FBXL17: variants seen among roughly 807,000 people sequenced by gnomAD.
FBXL17 encodes F-box/LRR-repeat protein 17.
A neutral mutation model predicts 66.2 loss-of-function variants in FBXL17; 22 were observed. That is an observed-to-expected ratio of 0.33 (90% confidence interval 0.24 to 0.47). The LOEUF is 0.47. FBXL17 is among the 20% of genes least tolerant of loss of function. The pLI is 1.00. For synonymous variants in FBXL17, 474 were observed against 400.5 expected, an observed-to-expected ratio of 1.18 and a Z score of -2.19; for missense variants, 878 against 948.2, an observed-to-expected ratio of 0.93 and a Z score of 0.97.
At chr5:108,209,409 C>A (rs1403802422) in intron 5 of FBXL17, among the ~76,000 whole-genome samples, 3 of 152,130 alleles carry the variant, frequency 2.0e-5, no homozygotes, top group African/African-American at 7.2e-5. Flanking sequence ...GGAATGCTTC[C>A]ACTTTTTGCC....
At chr5:107,990,153 T>C (rs913554159) in intron 7 of FBXL17, among the ~76,000 whole-genome samples, 24 of 152,306 alleles carry the variant, frequency 1.6e-4, no homozygotes, top group African/African-American at 5.8e-4. Flanking sequence ...AGGAAACTAG[T>C]AAGGTAAATT....
chr5:107,902,576 C>T (rs904803425), intron 7 of FBXL17, among the ~76,000 whole-genome samples: 3 of 152,038 alleles, frequency 2.0e-5, no homozygotes, highest in African/African-American at 4.8e-5. Flanking sequence ...CAGGTAAATT[C>T]GGATTATCCC....
At chr5:107,879,729 G>C in intron 8 of FBXL17, 3 of 985,438 alleles carry the variant, frequency 3.0e-6, no homozygotes, top group Middle Eastern at 5.2e-4. Flanking sequence ...TATTTTGCTA[G>C]ATTTGTTCCT....
chr5:108,073,037 T>C (rs1748401377), intron 6 of FBXL17, among the ~76,000 whole-genome samples: 1 of 152,226 alleles, frequency 6.6e-6, no homozygotes, highest in East Asian at 1.9e-4. Context: ...ATGAAAACTC[T>C]TTAGTCCTAT....
At chr5:108,099,166 T>C (rs776227446) in intron 6 of FBXL17, among the ~76,000 whole-genome samples, 3 of 152,050 alleles carry the variant, frequency 2.0e-5, no homozygotes, top group Non-Finnish European at 4.4e-5. Flanking sequence ...TAAGCAATAA[T>C]ATAACTACAT....
chr5:107,903,825 G>A (rs1386125226), intron 7 of FBXL17, among the ~76,000 whole-genome samples: 2 of 152,074 alleles, frequency 1.3e-5, no homozygotes, highest in Admixed American at 6.6e-5. Flanking sequence ...ACCATGATTT[G>A]AGCTTTACTG....
chr5:107,928,518 T>C (rs1177464967), intron 7 of FBXL17, among the ~76,000 whole-genome samples: 1 of 152,064 alleles, frequency 6.6e-6, no homozygotes, highest in Non-Finnish European at 1.5e-5. Context: ...TAATATTACA[T>C]TTAATTGTAC....
intron 4 of FBXL17, among the ~76,000 whole-genome samples, chr5:108,247,543 A>C (rs1756158385): frequency 6.6e-6 from 1 of 152,162 alleles, no homozygotes; most frequent in Non-Finnish European, 1.5e-5. Context: ...ATTCTCCTAA[A>C]AATGTAAGGT....
intron 6 of FBXL17, among the ~76,000 whole-genome samples, chr5:108,172,127 G>C (rs1752628672): frequency 6.6e-6 from 1 of 152,190 alleles, no homozygotes; most frequent in African/African-American, 2.4e-5. Context: ...GATGGTCTAA[G>C]ATGGCCTTAC....
chr5:107,889,500 A>G (rs1380065160), intron 7 of FBXL17, among the ~76,000 whole-genome samples: 1 of 152,208 alleles, frequency 6.6e-6, no homozygotes, highest in Non-Finnish European at 1.5e-5. Context: ...ATTTTCAAGC[A>G]GCTGTACACA....
At chr5:108,215,384 CT>C (rs1260237653) in intron 5 of FBXL17, among the ~76,000 whole-genome samples, 2 of 152,286 alleles carry the variant, frequency 1.3e-5, no homozygotes, top group Middle Eastern at 3.4e-3. Flanking sequence ...CTGTTGTCCA[CT>C]TTTTTTATTA....
At chr5:108,245,956 A>T (rs573450907) in intron 4 of FBXL17, among the ~76,000 whole-genome samples, 1 of 152,246 alleles carries the variant, frequency 6.6e-6, no homozygotes, top group African/African-American at 2.4e-5. Context: ...GTACTCAATA[A>T]ATATTTATTG....
Position 107,861,088 on chromosome 5 carries a change from T to C in FBXL17, c.*632A>G, listed in dbSNP as rs1188700953. 1 of 152,216 alleles carries C rather than the reference T, an allele frequency of 6.6e-6. No homozygotes were observed. The highest frequency in any genetic ancestry group is 1.5e-5 in the Non-Finnish European group (1 of 68,054). 9.4% of individuals were successfully genotyped at this position (152,216 alleles called of 1,614,324 possible). ...TCTATATAACAAATTTAGAAAAGGC[T>C]TTATTCTTTCTAGTCCCCAAGTCAC... On this transcript the variant is annotated 3_prime_UTR_variant, in exon 9 of 9. Transcript: ENST00000542267.
chr5:108,061,154 G>A (rs1747904909), intron 6 of FBXL17, among the ~76,000 whole-genome samples: 1 of 152,028 alleles, frequency 6.6e-6, no homozygotes, highest in Admixed American at 6.6e-5. Flanking sequence ...AGGCATAGTG[G>A]TGCATGCCTG....
At chr5:108,092,046 T>A (rs996283494) in intron 6 of FBXL17, among the ~76,000 whole-genome samples, 2 of 152,242 alleles carry the variant, frequency 1.3e-5, no homozygotes, top group Non-Finnish European at 2.9e-5. Flanking sequence ...GCTTTGGCGC[T>A]GTCCTGTAAT....
chr5:108,345,727 A>C (rs901356235), intron 4 of FBXL17, among the ~76,000 whole-genome samples: 4 of 152,028 alleles, frequency 2.6e-5, no homozygotes, highest in Non-Finnish European at 4.4e-5. Flanking sequence ...AAGGACATAA[A>C]AGCTATGTCA....
intron 6 of FBXL17, among the ~76,000 whole-genome samples, chr5:108,146,227 G>T (rs1253899688): frequency 6.9e-6 from 1 of 145,716 alleles, no homozygotes; most frequent in Non-Finnish European, 1.5e-5. Context: ...GCAAGACTTC[G>T]TCTCAAAAAA....
At chr5:107,898,702 C>T (rs1263013334) in intron 7 of FBXL17, among the ~76,000 whole-genome samples, 8 of 151,992 alleles carry the variant, frequency 5.3e-5, no homozygotes, top group African/African-American at 1.9e-4. Context: ...CTCCCACTTA[C>T]GAGTGAGAAC....
chr5:108,302,206 T>C (rs1758622027), intron 4 of FBXL17: 1 of 162,042 alleles, frequency 6.2e-6, no homozygotes, highest in Non-Finnish European at 1.3e-5. Flanking sequence ...ACAAAGATAG[T>C]GTAATGACTA....
Sources: gnomAD v4.1 joint callset for allele counts (sites outside exome capture counted in the v4.1 genomes callset) on GRCh38, gnomAD v4.1.1 for gene constraint, MANE v1.5 for transcripts, NCBI Gene and HGNC (gene_info 2026-07-23, HGNC 2026-07-21) for gene names.